BTBD9: variants seen among roughly 807,000 people sequenced by gnomAD.
The protein encoded by BTBD9 is BTB/POZ domain-containing protein 9.
A neutral mutation model predicts 64.3 loss-of-function variants in BTBD9; 49 were observed. That is an observed-to-expected ratio of 0.76 (90% CI 0.61 to 0.97). BTBD9 has a LOEUF of 0.97. Ranked by LOEUF, BTBD9 falls within the 50% of genes least tolerant of loss-of-function variation. The pLI, the probability that BTBD9 is intolerant of heterozygous loss-of-function variation, is 0.00. For missense variants in BTBD9, 598 were observed against 762.1 expected, an observed-to-expected ratio of 0.78 and a Z score of 2.53; for synonymous variants, 260 against 274.7, an observed-to-expected ratio of 0.95 and a Z score of 0.53.
intron 7 of BTBD9, among the ~76,000 whole-genome samples, chr6:38,330,053 CTTT>C (rs147264863): frequency 1.3e-5 from 2 of 150,326 alleles, no homozygotes; most frequent in Non-Finnish European, 3.0e-5. Flanking sequence ...TTTTTCTTTT[CTTT>C]TTTTTTGTTT....
intron 6 of BTBD9, among the ~76,000 whole-genome samples, chr6:38,486,403 T>A (rs1204255634): frequency 6.6e-6 from 1 of 152,242 alleles, no homozygotes; most frequent in Non-Finnish European, 1.5e-5. Context: ...CATGCCTTCT[T>A]CACTAAGCTT....
chr6:38,550,491 T>C (rs1303187775), intron 6 of BTBD9, among the ~76,000 whole-genome samples: 4 of 152,034 alleles, frequency 2.6e-5, no homozygotes, highest in Admixed American at 2.0e-4. Flanking sequence ...TAATTTTTTG[T>C]ATTTTTAGTA....
intron 6 of BTBD9, among the ~76,000 whole-genome samples, chr6:38,395,803 G>A (rs1321683014): frequency 6.6e-6 from 1 of 151,134 alleles, no homozygotes; most frequent in Non-Finnish European, 1.5e-5. Context: ...TCTGCCTCCC[G>A]GGTTCAAGCA....
chr6:38,269,471 G>T (rs894900233), intron 8 of BTBD9, among the ~76,000 whole-genome samples: 4 of 152,136 alleles, frequency 2.6e-5, no homozygotes, highest in African/African-American at 9.7e-5. Flanking sequence ...TCAAAGCTGG[G>T]ATCACAAGTT....
chr6:38,183,521 C>T (rs1761672178), intron 10 of BTBD9, among the ~76,000 whole-genome samples: 1 of 152,202 alleles, frequency 6.6e-6, no homozygotes, highest in Non-Finnish European at 1.5e-5. Flanking sequence ...CATCCTCTGC[C>T]TCCCTGCCTG....
At chr6:38,549,399 T>C (rs188136479) in intron 6 of BTBD9, among the ~76,000 whole-genome samples, 3 of 152,316 alleles carry the variant, frequency 2.0e-5, no homozygotes, top group Admixed American at 6.5e-5. Context: ...GGAAATGTGA[T>C]GTCTCTAAAC....
At chr6:38,506,804 T>C (rs1188526188) in intron 6 of BTBD9, among the ~76,000 whole-genome samples, 1 of 152,252 alleles carries the variant, frequency 6.6e-6, no homozygotes, top group African/African-American at 2.4e-5. Flanking sequence ...TGTATCACTC[T>C]GCTTAAAATC....
At chr6:38,408,299 A>C (rs1767259811) in intron 6 of BTBD9, among the ~76,000 whole-genome samples, 1 of 152,170 alleles carries the variant, frequency 6.6e-6, no homozygotes, top group Admixed American at 6.5e-5. Context: ...TCAAGTCTGC[A>C]GTGAGCTATA....
chr6:38,213,709 T>C lies in BTBD9; in HGVS notation c.1563-21112A>G, dbSNP rs1582060558. Among the ~76,000 whole-genome samples, 2 of 151,906 alleles carry C rather than the reference T, an allele frequency of 1.3e-5. 1 individual carries two copies. The highest frequency in any genetic ancestry group is 1.3e-4 in the Admixed American group (2 of 15,250). On this transcript the variant is annotated intron_variant, in intron 9 of 10. Coordinates refer to ENST00000481247, the MANE Select transcript of BTBD9 (RefSeq NM_001099272.2). ...AAAATAAAAAAATCATGGCTGGGCG[T>C]GGTGGCTCACGCCTGTAATCCCAGC...
chr6:38,214,689 A>T (rs1762954643), intron 9 of BTBD9, among the ~76,000 whole-genome samples: 1 of 152,220 alleles, frequency 6.6e-6, no homozygotes, highest in Admixed American at 6.5e-5. Context: ...ATATTTTGCC[A>T]GCCTGGGCTT....
chr6:38,327,504 C>T (rs544246948), intron 7 of BTBD9, among the ~76,000 whole-genome samples: 2 of 152,212 alleles, frequency 1.3e-5, no homozygotes, highest in African/African-American at 4.8e-5. Flanking sequence ...ATAAGTAATA[C>T]TGTAATGCCC....
At chr6:38,423,570 C>G (rs1404978780) in intron 6 of BTBD9, among the ~76,000 whole-genome samples, 1 of 152,166 alleles carries the variant, frequency 6.6e-6, no homozygotes, top group Non-Finnish European at 1.5e-5. Context: ...TCCCAAAGTG[C>G]TGGGATTACA....
chr6:38,388,280 C>A (rs983873984), intron 6 of BTBD9, among the ~76,000 whole-genome samples: 1 of 151,614 alleles, frequency 6.6e-6, no homozygotes, highest in South Asian at 2.1e-4. Flanking sequence ...GTTTAACTGG[C>A]TGGAGCCAGA....
chr6:38,364,961 C>A (rs1450257330), intron 6 of BTBD9, among the ~76,000 whole-genome samples: 1 of 152,076 alleles, frequency 6.6e-6, no homozygotes, highest in African/African-American at 2.4e-5. Context: ...ACATGGGAGT[C>A]CTATGATAGC....
At chr6:38,210,423 C>T (rs556746388) in intron 9 of BTBD9, among the ~76,000 whole-genome samples, 1 of 152,144 alleles carries the variant, frequency 6.6e-6, no homozygotes, top group Admixed American at 6.6e-5. Flanking sequence ...GCAGCAGCAG[C>T]TGTGCTAGAA....
intron 6 of BTBD9, among the ~76,000 whole-genome samples, chr6:38,356,097 T>C (rs911487524): frequency 1.3e-5 from 2 of 152,154 alleles, no homozygotes; most frequent in Non-Finnish European, 2.9e-5. Context: ...TTTTGTCTTT[T>C]TTTTTAAAAA....
chr6:38,436,372 ATT>A (rs10647439), intron 6 of BTBD9, among the ~76,000 whole-genome samples: 3 of 118,314 alleles, frequency 2.5e-5, no homozygotes, highest in African/African-American at 6.6e-5. Flanking sequence ...CCCCAATTCT[ATT>A]TTTTTTTTTT....
chr6:38,531,307 G>T (rs1773790505), intron 6 of BTBD9, among the ~76,000 whole-genome samples: 2 of 152,164 alleles, frequency 1.3e-5, no homozygotes, highest in Non-Finnish European at 2.9e-5. Context: ...AGTACTGAAG[G>T]AGAAAAACTT....
intron 1 of BTBD9, among the ~76,000 whole-genome samples, chr6:38,630,652 T>C (rs1778331587): frequency 6.6e-6 from 1 of 152,180 alleles, no homozygotes; most frequent in East Asian, 1.9e-4. Flanking sequence ...AAAACTAGAA[T>C]AAAAGAGTTA....
Sources: allele counts gnomAD v4.1 joint callset (sites outside exome capture counted in the v4.1 genomes callset), GRCh38; gene constraint gnomAD v4.1.1; transcripts MANE v1.5; gene names NCBI Gene and HGNC (gene_info 2026-07-23, HGNC 2026-07-21).